The following TM6SF1 variants were observed in gnomAD, a reference collection of about 807,000 sequenced individuals.
The protein encoded by TM6SF1 is transmembrane 6 superfamily member 1.
In TM6SF1, 43 loss-of-function variants were observed where a neutral mutation model predicts 47.1. That is an observed-to-expected ratio of 0.91 (90% CI 0.72 to 1.18). TM6SF1 has a LOEUF of 1.18. Ranked by LOEUF, TM6SF1 falls within the 50% of genes most tolerant of loss-of-function variation. The probability of loss-of-function intolerance (pLI) is 0.00; values close to 1 mark genes in which losing one functional copy is unlikely to be tolerated. For missense variants in TM6SF1, 390 were observed against 449.0 expected (o/e 0.87, Z 1.19); for synonymous variants, 177 against 166.3 (o/e 1.06, Z -0.49).
At position 83,137,228 on chromosome 15, in the gene TM6SF1, T is replaced by G. The variant is rs942312971; in HGVS notation, c.*556T>G. The G allele has an allele frequency of 2.0e-5, 3 of 152,222 alleles. No individual in the cohort carries two copies. The highest frequency in any genetic ancestry group is 7.2e-5 in the African/African-American group (3 of 41,468). 9.4% of individuals were successfully genotyped at this position (152,222 alleles called of 1,614,324 possible). ...ATTACTTTTACTAAATTTTTTTGTGTGAATTTAAACAGCTAAATAGGGATC... is the reference window on the plus strand; with the variant it reads ...ATTACTTTTACTAAATTTTTTTGTGGGAATTTAAACAGCTAAATAGGGATC... On this transcript the variant is annotated 3_prime_UTR_variant, in exon 10 of 10. Transcript: ENST00000322019.
chr15:83,120,149 G>C, intron 4 of TM6SF1: 1 of 171,398 alleles, frequency 5.8e-6, no homozygotes, highest in East Asian at 1.5e-4. Flanking sequence ...CTTGGCAGTG[G>C]ATGTGTATGT....
At chr15:83,135,278 C>T (rs904945897) in intron 9 of TM6SF1, 9 of 152,170 alleles carry the variant, frequency 5.9e-5, no homozygotes, top group Non-Finnish European at 1.2e-4. Context: ...TAAGTAACAC[C>T]TTTATCTGTG....
chr15:83,136,270 T>C, intron 9 of TM6SF1: 1 of 422,910 alleles, frequency 2.4e-6, no homozygotes, highest in Non-Finnish European at 4.2e-6. Context: ...TGAACAGTCA[T>C]ATCAAGAATG....
chr15:83,119,739 G>A, intron 4 of TM6SF1, 58 bp downstream of exon 4: 4 of 1,609,334 alleles, frequency 2.5e-6, no homozygotes, highest in Middle Eastern at 3.3e-4. Context: ...AAGCGGGTAT[G>A]TAAGGAAACG....
chr15:83,116,656 G>T (rs112993256), intron 3 of TM6SF1, among the ~76,000 whole-genome samples: 11 of 152,218 alleles, frequency 7.2e-5, no homozygotes, highest in African/African-American at 2.7e-4. Flanking sequence ...GCAGGGAAGG[G>T]TCCGTGCCAT....
At chr15:83,136,340 T>G in intron 9 of TM6SF1, 141 bp from the exon 10 acceptor site, 1 of 535,250 alleles carries the variant, frequency 1.9e-6, no homozygotes, top group East Asian at 3.1e-5. Flanking sequence ...AGACTCTGGA[T>G]TGTTTGAAGG....
chr15:83,110,086 T>G (rs1020230393), intron 1 of TM6SF1, among the ~76,000 whole-genome samples: 1 of 152,192 alleles, frequency 6.6e-6, no homozygotes, highest in Non-Finnish European at 1.5e-5. Context: ...TGTTTGACTT[T>G]GTTGAATCGA....
In TM6SF1 at chr15:83,119,602, T is replaced by A. The variant is rs1169458797; in HGVS notation, c.319T>A (p.Tyr107Asn). The A allele has an allele frequency of 6.2e-7, 1 of 1,614,224 alleles. No homozygotes were observed. Among genetic ancestry groups the A allele is most frequent in the Non-Finnish European group, 8.5e-7 (1 of 1,180,030 alleles). ...GGGTGAACCGTATCTGAACACCGCA[T>A]ATGGGCACATGATCTGCTACTGGGA... ...REGEPYLNTAYGHMICYWDGS... is the reference protein window; with the variant it reads ...REGEPYLNTANGHMICYWDGS... Residue 107 changes from tyrosine to asparagine, a missense_variant, in exon 4 of 10, where the codon TAT becomes AAT. By Grantham distance (143) the Tyr-to-Asn change is moderately radical. Coordinates refer to ENST00000322019, the MANE Select transcript of TM6SF1 (RefSeq NM_023003.5).
rs751154768 is a variant in TM6SF1, at chr15:83,122,820, T to G, written c.545T>G (p.Val182Gly). Reference protein sequence around the residue: ...FLSIPYTCLPVWAGFRIYNQP... With the variant: ...FLSIPYTCLPGWAGFRIYNQP... ...AGCATACCATATACTTGTCTTCCTG[T>G]CTGGGCTGGTTTCAGAATCTATAAT... Residue 182 changes from valine to glycine, a missense_variant, in exon 6 of 10, where the codon GTC becomes GGC. Val to Gly is a moderately radical substitution (Grantham distance 109). Transcript: ENST00000322019. 3 of 1,614,008 alleles carry G rather than the reference T, an allele frequency of 1.9e-6. No homozygotes were observed. Among genetic ancestry groups the G allele is most frequent in the Non-Finnish European group, 2.5e-6 (3 of 1,179,994 alleles).
chr15:83,125,923 G>C (rs1319272670), intron 7 of TM6SF1, among the ~76,000 whole-genome samples: 1 of 152,180 alleles, frequency 6.6e-6, no homozygotes, highest in Non-Finnish European at 1.5e-5. Flanking sequence ...AAGTAAAGAA[G>C]GCAAGGCCAT....
chr15:83,109,747 C>T (rs975889113), intron 1 of TM6SF1, among the ~76,000 whole-genome samples: 24 of 152,212 alleles, frequency 1.6e-4, no homozygotes, highest in African/African-American at 2.7e-4. Context: ...TCCCAGCCCA[C>T]GCACTAGTGC....
intron 3 of TM6SF1, 95 bp downstream of exon 3, chr15:83,116,037 C>A: frequency 2.1e-6 from 2 of 968,566 alleles, no homozygotes; most frequent in Admixed American, 1.9e-5. Flanking sequence ...TTAGTGTGAA[C>A]AGGTACGCTA....
At chr15:83,126,722 G>C in intron 7 of TM6SF1, 33 bp from the exon 8 acceptor site, 1 of 1,550,926 alleles carries the variant, frequency 6.4e-7, no homozygotes, top group East Asian at 2.3e-5. Flanking sequence ...AGATGTGATT[G>C]TATTTTTATA....
chr15:83,119,416 A>T (rs1007857318), intron 3 of TM6SF1, among the ~76,000 whole-genome samples, 162 bp from the exon 4 acceptor site: 2 of 152,228 alleles, frequency 1.3e-5, no homozygotes, highest in African/African-American at 4.8e-5. Flanking sequence ...GCTCCAGCGT[A>T]AAGTTGTATT....
intron 2 of TM6SF1, 117 bp from the exon 3 acceptor site, chr15:83,115,728 G>T: frequency 1.3e-6 from 1 of 768,966 alleles, no homozygotes. Context: ...CTCGATAATT[G>T]TCCACAGCAT....
At chr15:83,124,225 G>A (rs2035528976) in intron 6 of TM6SF1, among the ~76,000 whole-genome samples, 1 of 151,954 alleles carries the variant, frequency 6.6e-6, no homozygotes, top group Non-Finnish European at 1.5e-5. Context: ...TTATATACAG[G>A]AATAATTTTA....
chr15:83,118,785 A>G (rs2034938940), intron 3 of TM6SF1, among the ~76,000 whole-genome samples: 1 of 152,210 alleles, frequency 6.6e-6, no homozygotes, highest in African/African-American at 2.4e-5. Context: ...GGCCAAAACA[A>G]CAGTAAAAAT....
chr15:83,115,972 T>C, intron 3 of TM6SF1, 30 bp downstream of exon 3: 1 of 1,559,198 alleles, frequency 6.4e-7, no homozygotes, highest in African/African-American at 1.4e-5. Flanking sequence ...TTATGAGGTT[T>C]CAACCAAAAG....
At chr15:83,124,806 A>G in intron 7 of TM6SF1, 30 bp downstream of exon 7, 1 of 1,499,358 alleles carries the variant, frequency 6.7e-7, no homozygotes. Context: ...ATAACGTAAC[A>G]TTGTGATACT....
Sources: gnomAD v4.1 joint callset for allele counts (sites outside exome capture counted in the v4.1 genomes callset) on GRCh38, gnomAD v4.1.1 for gene constraint, MANE v1.5 for transcripts, NCBI Gene and HGNC (gene_info 2026-07-23, HGNC 2026-07-21) for gene names.